Variants in GALC observed in about 807,000 individuals in gnomAD.
GALC encodes the protein galactocerebrosidase.
In GALC, 77 loss-of-function variants were observed where a neutral mutation model predicts 91.8. The observed-to-expected ratio is 0.84, with a 90% CI of 0.70 to 1.01. The LOEUF (loss-of-function observed/expected upper bound fraction) is 1.01. Among genes scored for constraint, GALC ranks in the 50% least tolerant of loss-of-function variants. The probability of loss-of-function intolerance (pLI) is 0.00; values close to 1 mark genes in which losing one functional copy is unlikely to be tolerated. For synonymous variants in GALC, 357 were observed against 306.7 expected (o/e 1.16, Z -1.71); for missense variants, 882 against 855.9 (o/e 1.03, Z -0.38).
chr14:87,984,877 TC>T (rs1286723145), intron 4 of GALC, among the ~76,000 whole-genome samples: 4 of 152,204 alleles, frequency 2.6e-5, no homozygotes, highest in African/African-American at 7.2e-5. Flanking sequence ...GTTGGAATGT[TC>T]AATATTCAAC....
intron 9 of GALC, among the ~76,000 whole-genome samples, chr14:87,963,986 A>G (rs1317218807): frequency 6.6e-6 from 1 of 152,156 alleles, no homozygotes; most frequent in South Asian, 2.1e-4. Context: ...CCATGTCCCA[A>G]CCCTTGGAAA....
chr14:87,975,749 C>G (rs1886466660), intron 7 of GALC, among the ~76,000 whole-genome samples: 1 of 151,608 alleles, frequency 6.6e-6, no homozygotes, highest in African/African-American at 2.4e-5. Context: ...AAATTCTACA[C>G]ACATACATAC....
chr14:87,944,413 G>A (rs1884982560), intron 14 of GALC, among the ~76,000 whole-genome samples: 1 of 151,858 alleles, frequency 6.6e-6, no homozygotes, highest in Non-Finnish European at 1.5e-5. Flanking sequence ...CCAGGCCTTG[G>A]ACACTTAAAC....
At chr14:87,965,201 A>G (rs1162490742) in intron 9 of GALC, among the ~76,000 whole-genome samples, 1 of 152,116 alleles carries the variant, frequency 6.6e-6, no homozygotes, top group Non-Finnish European at 1.5e-5. Flanking sequence ...ATTAGCAATT[A>G]TCATCATTTG....
At chr14:87,963,975 A>G (rs1241321222) in intron 9 of GALC, among the ~76,000 whole-genome samples, 1 of 152,174 alleles carries the variant, frequency 6.6e-6, no homozygotes, top group Admixed American at 6.6e-5. Context: ...TAAGCAATAT[A>G]CCATGTCCCA....
chr14:87,944,037 T>C (rs1485452991), intron 14 of GALC, among the ~76,000 whole-genome samples: 3 of 151,916 alleles, frequency 2.0e-5, no homozygotes, highest in African/African-American at 7.2e-5. Context: ...TCCCGGTTCC[T>C]TTCCTTTCAG....
rs778552414 is a variant in GALC, at chr14:87,976,387, G to A, written c.723C>T (p.Ala241=). Reference sequence around the variant, plus strand: ...TAACATCAACCACCTTGAAGAGTTCGGCATCAAGGAGCATGGATGCAGAGA... The same window carrying A: ...TAACATCAACCACCTTGAAGAGTTCAGCATCAAGGAGCATGGATGCAGAGA... The part of the protein sequence containing the change: ...ESISASMLLD[A]ELFKVVDVIG... Residue 241 remains alanine (A), a synonymous_variant, in exon 7 of 17, where the codon GCC becomes GCT. Transcript: ENST00000261304. 20 of 1,613,722 alleles carry A rather than the reference G, an allele frequency of 1.2e-5. No individual in the cohort carries two copies. The highest frequency in any genetic ancestry group is 1.6e-4 in the Middle Eastern group (1 of 6,084).
At chr14:87,948,688 G>T (rs1023071219) in intron 12 of GALC, among the ~76,000 whole-genome samples, 1 of 149,656 alleles carries the variant, frequency 6.7e-6, no homozygotes, top group African/African-American at 2.5e-5. Context: ...ATACCTGACC[G>T]TTATATTCAG....
At chr14:87,962,903 TCTG>T (rs1421931585) in intron 10 of GALC, among the ~76,000 whole-genome samples, 2 of 152,110 alleles carry the variant, frequency 1.3e-5, no homozygotes, top group Admixed American at 1.3e-4. Flanking sequence ...CCTTGATATG[TCTG>T]CTTTCAAGCC....
intron 16 of GALC, among the ~76,000 whole-genome samples, chr14:87,939,267 T>C (rs1884724501): frequency 6.6e-6 from 1 of 151,864 alleles, no homozygotes; most frequent in Non-Finnish European, 1.5e-5. Flanking sequence ...ATTCCAAAGT[T>C]ATTGGAATCT....
intron 7 of GALC, among the ~76,000 whole-genome samples, chr14:87,970,506 G>A (rs1187508754): frequency 6.6e-6 from 1 of 152,018 alleles, no homozygotes; most frequent in African/African-American, 2.4e-5. Context: ...TTTATTACAT[G>A]ATATGAGCAA....
chr14:87,980,491 C>A (rs1181006334), intron 6 of GALC: 1 of 982,830 alleles, frequency 1.0e-6, no homozygotes, highest in African/African-American at 1.8e-5. Context: ...TGTTTTTCCC[C>A]CATATCCCTT....
Position 87,993,082 on chromosome 14 carries a change from G to A in GALC, c.83C>T (p.Ala28Val), listed in dbSNP as rs1284765288. 3 of 1,580,138 alleles carry A rather than the reference G, an allele frequency of 1.9e-6. No homozygotes were observed. Among genetic ancestry groups the A allele is most frequent in the Non-Finnish European group, 2.6e-6 (3 of 1,164,000 alleles). ...TAAAGSAGRA[A>V]VPLLLCALLA... is the part of the protein sequence containing the mutation. Reference sequence around the variant, plus strand: ...CAGCGCACACAGCAGCAAGGGCACCGCGGCGCGGCCCGCCGAACCCGCGGC... The same window carrying A: ...CAGCGCACACAGCAGCAAGGGCACCACGGCGCGGCCCGCCGAACCCGCGGC... The change falls in exon 1 of 17, where the codon GCG (alanine) becomes GTG (valine). Residue 28 changes from alanine to valine, a missense_variant. Coordinates refer to ENST00000261304, the MANE Select transcript of GALC (RefSeq NM_000153.4).
In GALC at chr14:87,934,039, C is replaced by T. The variant is rs775191849; in HGVS notation, c.*693G>A. 1.3e-4 allele frequency: 205 copies of T among 1,533,134 alleles called. No individual in the cohort carries two copies. The highest frequency in any genetic ancestry group is 6.7e-4 in the Middle Eastern group (4 of 5,990). The allele number at this position is 1,533,134 out of a possible 1,614,324, so 95.0% of individuals were successfully genotyped here. On this transcript the variant is annotated 3_prime_UTR_variant, in exon 17 of 17. Coordinates refer to ENST00000261304, the MANE Select transcript of GALC (RefSeq NM_000153.4). ...ACAGAGAGTTATAGTGGTTACAAGA[C>T]CAAAACTTGGAATCAAAAAAATTAA...
At chr14:87,969,199 G>A (rs1002455014) in intron 7 of GALC, among the ~76,000 whole-genome samples, 3 of 152,002 alleles carry the variant, frequency 2.0e-5, no homozygotes, top group South Asian at 4.1e-4. Flanking sequence ...TTTTTCAACC[G>A]TCCCACCTGG....
intron 10 of GALC, among the ~76,000 whole-genome samples, chr14:87,958,204 C>A (rs555553548): frequency 6.6e-6 from 1 of 151,938 alleles, no homozygotes; most frequent in Admixed American, 6.6e-5. Flanking sequence ...GTTCGCAGCA[C>A]GCAGTGTTGT....
At chr14:87,979,374 G>C (rs897361086) in intron 6 of GALC, among the ~76,000 whole-genome samples, 1 of 152,108 alleles carries the variant, frequency 6.6e-6, no homozygotes, top group African/African-American at 2.4e-5. Context: ...ATAAAATCTT[G>C]CTGGAAAAAA....
intron 14 of GALC, among the ~76,000 whole-genome samples, chr14:87,942,894 C>T (rs531798861): frequency 2.3e-4 from 35 of 152,090 alleles, no homozygotes; most frequent in Non-Finnish European, 4.1e-4. Context: ...GTTTTCTCTC[C>T]ATAGATTATC....
At chr14:87,940,324 CAA>C (rs1273767295) in intron 15 of GALC, among the ~76,000 whole-genome samples, 2 of 151,796 alleles carry the variant, frequency 1.3e-5, no homozygotes, top group African/African-American at 2.4e-5. Context: ...ATATGGAAGA[CAA>C]GAGAGACAGA....
Sources: allele counts gnomAD v4.1 joint callset (sites outside exome capture counted in the v4.1 genomes callset), GRCh38; gene constraint gnomAD v4.1.1; transcripts MANE v1.5; gene names NCBI Gene and HGNC (gene_info 2026-07-23, HGNC 2026-07-21).